PGBD5: variants seen among roughly 807,000 people sequenced by gnomAD.
The protein encoded by PGBD5 is piggyBac transposable element-derived protein 5.
Under a neutral mutation model 47.9 loss-of-function variants are expected in PGBD5, and 14 were observed. That is an observed-to-expected ratio of 0.29 (90% CI 0.19 to 0.46). The LOEUF (loss-of-function observed/expected upper bound fraction) is 0.46, where lower values mean the gene tolerates loss of function less well. Ranked by LOEUF, PGBD5 falls within the 20% of genes least tolerant of loss-of-function variation. The probability of loss-of-function intolerance (pLI) is 1.00; values close to 1 mark genes in which losing one functional copy is unlikely to be tolerated. For synonymous variants in PGBD5, 316 were observed against 306.3 expected (o/e 1.03, Z -0.33); for missense variants, 635 against 716.0 (o/e 0.89, Z 1.29).
chr1:230,410,015 T>C lies in PGBD5; in HGVS notation c.331+15583A>G, dbSNP rs140639654. Among the ~76,000 whole-genome samples the C allele has an allele frequency of 1.4e-4, 22 of 152,278 alleles. No homozygotes were observed. In the East Asian group the frequency reaches 4.1e-3, roughly 28 times the overall value. On this transcript the variant is annotated intron_variant, in intron 1 of 6. Coordinates refer to ENST00000391860, the MANE Select transcript of PGBD5 (RefSeq NM_001258311.2). ...CCTATAAGGTTGTGTTAAAAATATA[T>C]ATAAATTTATGCTGTTCAAGAGACA...
At chr1:230,394,048 C>G (rs909563422) in intron 1 of PGBD5, among the ~76,000 whole-genome samples, 1 of 152,008 alleles carries the variant, frequency 6.6e-6, no homozygotes, top group African/African-American at 2.4e-5. Flanking sequence ...CTTCTTTTAT[C>G]CAAATTCTAC....
chr1:230,380,622 C>T (rs1426456209), intron 1 of PGBD5, among the ~76,000 whole-genome samples: 1 of 152,238 alleles, frequency 6.6e-6, no homozygotes, highest in East Asian at 1.9e-4. Context: ...AAGGTACTAT[C>T]CATGCCAAGC....
intron 1 of PGBD5, among the ~76,000 whole-genome samples, chr1:230,393,256 G>C (rs1030632452): frequency 7.0e-6 from 1 of 142,874 alleles, no homozygotes; most frequent in Non-Finnish European, 1.5e-5. Flanking sequence ...AGAAGAGCAG[G>C]GAAAAGGGGG....
intron 1 of PGBD5, among the ~76,000 whole-genome samples, chr1:230,375,091 GGAATAAGAAAGCA>G (rs1374916450): frequency 6.6e-6 from 1 of 152,108 alleles, no homozygotes; most frequent in East Asian, 1.9e-4. Context: ...TTTCCAAGGA[GGAATAAGAAAGCA>G]GACAAGCAAA....
chr1:230,323,641 A>G lies in PGBD5; in HGVS notation c.1380-21T>C. 6.2e-7 allele frequency: 1 copy of G among 1,604,650 alleles called. No homozygotes were observed. The highest frequency in any genetic ancestry group is 8.5e-7 in the Non-Finnish European group (1 of 1,174,518). ...AATACCTGAGGACAGAGGGAATAAGAACGGCTGACCCGATGGTTCATGGCA... is the reference window on the plus strand; with the variant it reads ...AATACCTGAGGACAGAGGGAATAAGGACGGCTGACCCGATGGTTCATGGCA... On this transcript the variant is annotated intron_variant, in intron 6 of 6. Transcript: ENST00000391860. This position sits in a 1 kb window ranked among gnomAD's most constrained non-coding sequence, Gnocchi z 4.1.
At chr1:230,362,352 C>A in intron 1 of PGBD5, 1 of 1,367,300 alleles carries the variant, frequency 7.3e-7, no homozygotes, top group Non-Finnish European at 9.8e-7. Flanking sequence ...GCGTCGACTC[C>A]ATCCACAGCT....
intron 1 of PGBD5, among the ~76,000 whole-genome samples, chr1:230,381,831 C>G (rs1656502541): frequency 6.6e-6 from 1 of 152,090 alleles, no homozygotes; most frequent in South Asian, 2.1e-4. Context: ...CCCTTCACCC[C>G]AGCATGCTGG....
intron 1 of PGBD5, among the ~76,000 whole-genome samples, chr1:230,362,718 C>A (rs1239843043): frequency 6.6e-6 from 1 of 152,080 alleles, no homozygotes. Flanking sequence ...CTTGGAGCCT[C>A]GTATACAGCA....
At chr1:230,364,730 A>G (rs1571842037) in intron 1 of PGBD5, among the ~76,000 whole-genome samples, 1 of 152,282 alleles carries the variant, frequency 6.6e-6, no homozygotes, top group Non-Finnish European at 1.5e-5. Context: ...AAAGGTTTAA[A>G]TAAAAGCTGG....
chr1:230,380,983 C>T (rs1028937493), intron 1 of PGBD5, among the ~76,000 whole-genome samples: 4 of 152,216 alleles, frequency 2.6e-5, no homozygotes, highest in African/African-American at 4.8e-5. Context: ...AGTGGGTGGC[C>T]GTCTGCGGCC....
intron 1 of PGBD5, chr1:230,362,452 C>A: frequency 4.0e-6 from 5 of 1,248,274 alleles, no homozygotes; most frequent in Non-Finnish European, 5.2e-6. Flanking sequence ...CTCTTTCCCG[C>A]CTCAAGGCCT....
intron 1 of PGBD5, among the ~76,000 whole-genome samples, chr1:230,423,139 C>T (rs1390289648): frequency 6.6e-6 from 1 of 152,164 alleles, no homozygotes; most frequent in Non-Finnish European, 1.5e-5. Context: ...TGTACATACA[C>T]ATATACCTGT....
chr1:230,332,700 C>T (rs1446074244), intron 5 of PGBD5, 144 bp downstream of exon 5: 41 of 934,050 alleles, frequency 4.4e-5, no homozygotes, highest in Non-Finnish European at 6.3e-5. Flanking sequence ...AGCGTGGCCC[C>T]AGATGCTGGG....
chr1:230,365,823 GTGGATGAATGACTCTT>G (rs1667821698), intron 1 of PGBD5, among the ~76,000 whole-genome samples: 2 of 152,240 alleles, frequency 1.3e-5, no homozygotes, highest in South Asian at 4.1e-4. Flanking sequence ...TCTATGTCAT[GTGGATGAATGACTCTT>G]TGGATGTTGT....
At position 230,356,972 on chromosome 1, in the gene PGBD5, G is replaced by A. The variant is rs756094324; in HGVS notation, c.681C>T (p.His227=). The change falls in exon 2 of 7, where the codon CAC becomes CAT. Residue 227 remains histidine (H), a synonymous_variant. Transcript: ENST00000391860. ...VVAFRSSQTT[H]GLYKVQPFLD... is the part of the protein sequence containing the mutation. ...GGAAGGGCTGGACCTTGTAGAGCCC[G>A]TGCGTGGTCTGGCTGGAGCGGAAGG... 3.6e-5 allele frequency: 58 copies of A among 1,614,076 alleles called. No homozygotes were observed. Among genetic ancestry groups the A allele is most frequent in the Middle Eastern group, 1.6e-4 (1 of 6,084 alleles).
chr1:230,337,378 C>CA, intron 3 of PGBD5, 90 bp from the exon 4 acceptor site: 1 of 1,255,484 alleles, frequency 8.0e-7, no homozygotes, highest in South Asian at 1.6e-5. Flanking sequence ...TCATGGGTCT[C>CA]AGTCATCCAG....
intron 1 of PGBD5, among the ~76,000 whole-genome samples, chr1:230,393,161 A>G: frequency 8.0e-6 from 1 of 124,372 alleles, no homozygotes. Context: ...AGGAAGGAAA[A>G]AGGGAAGAGA....
intron 1 of PGBD5, among the ~76,000 whole-genome samples, chr1:230,424,650 G>GT (rs1657731759): frequency 6.6e-6 from 1 of 152,226 alleles, no homozygotes; most frequent in African/African-American, 2.4e-5. Flanking sequence ...CCACTCCCTG[G>GT]CCCTCATCAA....
chr1:230,351,916 G>T (rs1667565107), intron 2 of PGBD5, among the ~76,000 whole-genome samples: 1 of 152,192 alleles, frequency 6.6e-6, no homozygotes, highest in Admixed American at 6.5e-5. Flanking sequence ...TCCAAGGAGT[G>T]GCCACAGATC....
Sources: allele counts gnomAD v4.1 joint callset (sites outside exome capture counted in the v4.1 genomes callset), GRCh38; gene constraint gnomAD v4.1.1; non-coding constraint Gnocchi (gnomAD v3.1); transcripts MANE v1.5; gene names NCBI Gene and HGNC (gene_info 2026-07-23, HGNC 2026-07-21).